The following NCOA1 variants were observed in gnomAD, a reference collection of about 807,000 sequenced individuals.
NCOA1 encodes Hin-2 protein.
A neutral mutation model predicts 150.9 loss-of-function variants in NCOA1; 35 were observed. The ratio of observed to expected loss-of-function variants is 0.23; its 90% confidence interval spans 0.18 to 0.31. The LOEUF (loss-of-function observed/expected upper bound fraction) is 0.31. NCOA1 is among the 10% of genes least tolerant of loss of function. The probability of loss-of-function intolerance (pLI) is 1.00; values close to 1 mark genes in which losing one functional copy is unlikely to be tolerated. For missense variants in NCOA1, 1,491 were observed against 1,749.3 expected (o/e 0.85, Z 2.63); for synonymous variants, 590 against 630.0 (o/e 0.94, Z 0.95).
intron 14 of NCOA1, among the ~76,000 whole-genome samples, chr2:24,721,357 C>T (rs1162662095): frequency 1.3e-5 from 2 of 152,084 alleles, no homozygotes; most frequent in Non-Finnish European, 2.9e-5. Flanking sequence ...TTTCTTTCTC[C>T]TGTTGACTTT....
intron 14 of NCOA1, among the ~76,000 whole-genome samples, chr2:24,722,751 G>T (rs563001365): frequency 2.0e-5 from 3 of 151,306 alleles, no homozygotes; most frequent in African/African-American, 4.9e-5. Flanking sequence ...CACTATTTTC[G>T]TATGCAACAT....
chr2:24,502,443 C>T (rs1663504755), intron 1 of NCOA1, among the ~76,000 whole-genome samples: 1 of 152,142 alleles, frequency 6.6e-6, no homozygotes. Flanking sequence ...AAAGTGGTCC[C>T]ACTCCCCAGT....
rs75818337 is a variant in NCOA1 at position 24,496,414 on chromosome 2, G to A, written c.-396+4812G>A. 4.3e-4 allele frequency among the ~76,000 whole-genome samples: 65 copies of A among 152,234 alleles called. 1 individual carries two copies. In the East Asian group the frequency reaches 0.012, roughly 27 times the overall value. On this transcript the variant is annotated intron_variant, in intron 1 of 22. Coordinates refer to ENST00000348332, the MANE Select transcript of NCOA1 (RefSeq NM_003743.5). ...ATTATGATAATCATAGATATCTTGC[G>A]TCTTTGCTTTTACATGTTCCATTTT... is the stretch of plus-strand genomic sequence containing the variant.
intron 1 of NCOA1, among the ~76,000 whole-genome samples, chr2:24,516,806 C>CCTATTT (rs1664189445): frequency 7.2e-6 from 1 of 139,010 alleles, no homozygotes; most frequent in Non-Finnish European, 1.6e-5. Flanking sequence ...AATGTACTTT[C>CCTATTT]CTATTTCTAT....
intron 21 of NCOA1, among the ~76,000 whole-genome samples, chr2:24,758,944 G>A (rs1345372314): frequency 6.6e-6 from 1 of 151,914 alleles, no homozygotes; most frequent in African/African-American, 2.4e-5. Context: ...GCTGGTAATT[G>A]CGCCACTGCA....
At chr2:24,530,905 C>A (rs1270230851) in intron 1 of NCOA1, among the ~76,000 whole-genome samples, 2 of 152,162 alleles carry the variant, frequency 1.3e-5, no homozygotes, top group Non-Finnish European at 2.9e-5. Context: ...TATCAGACTT[C>A]TTTATAGCTC....
At chr2:24,535,875 C>G (rs963937357) in intron 1 of NCOA1, among the ~76,000 whole-genome samples, 1 of 152,118 alleles carries the variant, frequency 6.6e-6, no homozygotes, top group Non-Finnish European at 1.5e-5. Flanking sequence ...CTTTGACTGC[C>G]CTTAACACTT....
intron 3 of NCOA1, among the ~76,000 whole-genome samples, chr2:24,594,666 T>TAAATCTAAA (rs1667816474): frequency 6.6e-6 from 1 of 152,108 alleles, no homozygotes; most frequent in Admixed American, 6.6e-5. Context: ...TCTAAAGAAT[T>TAAATCTAAA]GTGTAATTGT....
chr2:24,527,522 G>GTA (rs1351825607), intron 1 of NCOA1, among the ~76,000 whole-genome samples: 2 of 152,104 alleles, frequency 1.3e-5, no homozygotes, highest in East Asian at 3.8e-4. Context: ...ATTCCACTGT[G>GTA]TATATATATG....
chr2:24,762,594 C>G, intron 21 of NCOA1, 93 bp from the exon 22 acceptor site: 1 of 1,111,994 alleles, frequency 9.0e-7, no homozygotes, highest in Non-Finnish European at 1.4e-6. Context: ...GCTCCTATTA[C>G]TTTTCTGTCA....
chr2:24,556,334 G>T (rs541682467), intron 1 of NCOA1, among the ~76,000 whole-genome samples: 1 of 152,106 alleles, frequency 6.6e-6, no homozygotes, highest in Non-Finnish European at 1.5e-5. Flanking sequence ...ATCTCATTCT[G>T]TTTCATGGCT....
chr2:24,666,097 C>T (rs1207262244), intron 6 of NCOA1, among the ~76,000 whole-genome samples, 182 bp downstream of exon 6: 3 of 151,196 alleles, frequency 2.0e-5, no homozygotes, highest in Admixed American at 6.6e-5. Flanking sequence ...CTGCAAGCTC[C>T]ACCTCCTGGG....
chr2:24,620,191 A>G (rs1391260641), intron 3 of NCOA1, among the ~76,000 whole-genome samples: 1 of 152,238 alleles, frequency 6.6e-6, no homozygotes, highest in Non-Finnish European at 1.5e-5. Flanking sequence ...GACTCAGTTC[A>G]TCTTGCAATA....
chr2:24,641,076 A>G (rs78500502), intron 3 of NCOA1, among the ~76,000 whole-genome samples: 3,976 of 151,894 alleles, frequency 0.026, 67 homozygotes, highest in Non-Finnish European at 0.04. Flanking sequence ...ACTTTCTTAT[A>G]TTTTCAAATT....
At chr2:24,657,304 T>A (rs1670992847) in intron 4 of NCOA1, among the ~76,000 whole-genome samples, 1 of 152,190 alleles carries the variant, frequency 6.6e-6, no homozygotes, top group South Asian at 2.1e-4. Flanking sequence ...GATCTTGCAT[T>A]AATCTACAAT....
At chr2:24,516,273 A>G (rs906616303) in intron 1 of NCOA1, among the ~76,000 whole-genome samples, 23 of 145,126 alleles carry the variant, frequency 1.6e-4, no homozygotes, top group Non-Finnish European at 3.1e-4. Context: ...GCCCACTGCA[A>G]GCTCCGCCTC....
At chr2:24,689,967 A>G (rs954754313) in intron 8 of NCOA1, among the ~76,000 whole-genome samples, 1 of 152,286 alleles carries the variant, frequency 6.6e-6, no homozygotes, top group East Asian at 1.9e-4. Flanking sequence ...TTCATTTTCC[A>G]CATTGTTCCC....
intron 5 of NCOA1, among the ~76,000 whole-genome samples, chr2:24,659,508 T>C (rs1671087536): frequency 6.6e-6 from 1 of 152,190 alleles, no homozygotes; most frequent in Admixed American, 6.5e-5. Context: ...TGCATAGTTA[T>C]ATTCAGTCCT....
chr2:24,577,214 T>C (rs1667025062), intron 2 of NCOA1, among the ~76,000 whole-genome samples: 1 of 146,740 alleles, frequency 6.8e-6, no homozygotes. Context: ...ATCTTGCTTT[T>C]CTCTACTCAA....
Sources: allele counts gnomAD v4.1 joint callset (sites outside exome capture counted in the v4.1 genomes callset), GRCh38; gene constraint gnomAD v4.1.1; transcripts MANE v1.5; gene names NCBI Gene and HGNC (gene_info 2026-07-23, HGNC 2026-07-21).